CAST: variants seen among roughly 807,000 people sequenced by gnomAD.
CAST encodes calpastatin.
In CAST, 76 loss-of-function variants were observed where a neutral mutation model predicts 119.6. That is an observed-to-expected ratio of 0.64 (90% CI 0.53 to 0.77). The LOEUF (loss-of-function observed/expected upper bound fraction) is 0.77. Ranked by LOEUF, CAST falls within the 30% of genes least tolerant of loss-of-function variation. CAST has a pLI of 0.00. For synonymous variants in CAST, 319 were observed against 331.6 expected (o/e 0.96, Z 0.41); for missense variants, 953 against 946.5 (o/e 1.01, Z -0.09).
At chr5:96,225,464 A>C in the CAST span, among the ~76,000 whole-genome samples, 1 of 152,214 alleles carries the variant, frequency 6.6e-6, no homozygotes, top group Admixed American at 6.5e-5. Flanking sequence ...CACAAAGATC[A>C]TAGATAGAAA....
At chr5:96,476,397 T>G in the CAST span, among the ~76,000 whole-genome samples, 416 of 152,344 alleles carry the variant, frequency 2.7e-3, 3 homozygotes, top group African/African-American at 9.6e-3. Context: ...AAAAGTCTCA[T>G]GGTCATATGA....
the CAST span, among the ~76,000 whole-genome samples, chr5:96,234,065 CAAA>C: frequency 6.6e-6 from 1 of 152,084 alleles, no homozygotes; most frequent in Non-Finnish European, 1.5e-5. Flanking sequence ...CACACACAAA[CAAA>C]GAAGTGGGTA....
the CAST span, among the ~76,000 whole-genome samples, chr5:96,425,041 AAAGAAAGAAAG>A: frequency 7.0e-6 from 1 of 143,432 alleles, no homozygotes; most frequent in South Asian, 2.1e-4. Context: ...AGAAAGAAAG[AAAGAAAGAAAG>A]AAAGAAAGAA....
intron 1 of CAST, among the ~76,000 whole-genome samples, chr5:96,545,781 T>G (rs13177618): frequency 0.59 from 89,481 of 152,106 alleles, 27,008 homozygotes; most frequent in East Asian, 0.86. Context: ...CTGACTGACA[T>G]ACATGGAGTG....
chr5:96,441,238 T>A, the CAST span, among the ~76,000 whole-genome samples: 2 of 152,214 alleles, frequency 1.3e-5, no homozygotes, highest in Non-Finnish European at 2.9e-5. Context: ...AGAGATGATT[T>A]CAAAGTGTAA....
chr5:96,274,100 T>C, the CAST span, among the ~76,000 whole-genome samples: 1 of 131,108 alleles, frequency 7.6e-6, no homozygotes, highest in South Asian at 2.2e-4. Context: ...AGAGCCCCAA[T>C]TTTTTTTTTT....
At chr5:96,260,846 G>GGAAA in the CAST span, among the ~76,000 whole-genome samples, 4 of 152,156 alleles carry the variant, frequency 2.6e-5, no homozygotes, top group African/African-American at 4.8e-5. Flanking sequence ...AGGTTGTTTG[G>GGAAA]GAAATGAATT....
chr5:96,413,656 C>A, the CAST span, among the ~76,000 whole-genome samples: 2 of 151,276 alleles, frequency 1.3e-5, no homozygotes, highest in African/African-American at 4.9e-5. Flanking sequence ...AAAAATTAGT[C>A]AGGCATGCTG....
the CAST span, among the ~76,000 whole-genome samples, chr5:96,452,956 C>CAAAAAAAAAAAAAAAAAAAAAAAAAAAA: frequency 1.6e-5 from 1 of 62,718 alleles, no homozygotes; most frequent in African/African-American, 1.2e-4. Context: ...GACTCCGTCT[C>CAAAAAAAAAAAAAAAAAAAAAAAAAAAA]AAAAAAAAAA....
At chr5:96,681,222 G>A (rs999458543) in intron 2 of CAST, among the ~76,000 whole-genome samples, 1 of 152,090 alleles carries the variant, frequency 6.6e-6, no homozygotes, top group African/African-American at 2.4e-5. Flanking sequence ...ATGTTTTCTC[G>A]TTGGTGACTC....
chr5:96,195,030 G>A, the CAST span, among the ~76,000 whole-genome samples: 1 of 152,214 alleles, frequency 6.6e-6, no homozygotes, highest in Admixed American at 6.5e-5. Context: ...TGGGGGACCC[G>A]AAAGCTATAT....
chr5:96,760,603 G>A (rs1767595636), intron 24 of CAST, among the ~76,000 whole-genome samples: 1 of 151,778 alleles, frequency 6.6e-6, no homozygotes, highest in South Asian at 2.1e-4. Flanking sequence ...TTTGTGGATA[G>A]CACTACTTGT....
At chr5:96,658,945 G>A (rs556727388), upstream of CAST, among the ~76,000 whole-genome samples, 24 of 152,294 alleles carry the variant, frequency 1.6e-4, no homozygotes, top group East Asian at 3.3e-3. Flanking sequence ...AATGCGATGT[G>A]GTATCTACCT....
chr5:96,632,647 T>C lies in CAST; in HGVS notation c.61-42892T>C, dbSNP rs1236336760. Among the ~76,000 whole-genome samples the C allele has an allele frequency of 2.8e-5, 3 of 105,900 alleles. No homozygotes were observed. In the East Asian group the frequency reaches 7.4e-4, roughly 26 times the overall value. 69.5% of individuals were successfully genotyped at this position (105,900 alleles called of 152,430 possible). A position where few individuals can be genotyped will look rare whatever the true frequency, so the allele number is the denominator to read the frequency against. ...CAGAGTGCTAATTTATTTTTTTGCA[T>C]GTGGATATTCAGTGGTCTCAGCGCT... On this transcript the variant is annotated intron_variant, in intron 1 of 11. Transcript: ENST00000505143.
At chr5:96,551,320 C>A (rs181805490) in intron 1 of CAST, among the ~76,000 whole-genome samples, 58 of 152,268 alleles carry the variant, frequency 3.8e-4, no homozygotes, top group African/African-American at 1.4e-3. Context: ...CCAAACTAAG[C>A]TTCATAAGTG....
At chr5:96,000,929 A>G in the CAST span, among the ~76,000 whole-genome samples, 2 of 152,342 alleles carry the variant, frequency 1.3e-5, no homozygotes, top group East Asian at 1.9e-4. Context: ...ACTTCAGATT[A>G]TATTTTAAGA....
chr5:96,341,319 C>A, the CAST span, among the ~76,000 whole-genome samples: 1 of 150,606 alleles, frequency 6.6e-6, no homozygotes, highest in Non-Finnish European at 1.5e-5. Flanking sequence ...TTCCTGCCCA[C>A]TCCCATCCCC....
the CAST span, among the ~76,000 whole-genome samples, chr5:96,071,537 C>A: frequency 6.6e-6 from 1 of 152,062 alleles, no homozygotes; most frequent in African/African-American, 2.4e-5. Flanking sequence ...CTTCATGGAC[C>A]AGCCCTCACC....
the CAST span, among the ~76,000 whole-genome samples, chr5:96,317,095 T>G: frequency 6.6e-6 from 1 of 152,136 alleles, no homozygotes; most frequent in East Asian, 1.9e-4. Context: ...CTTGTCCAGC[T>G]TGAACATTAC....
Sources: gnomAD v4.1 joint callset for allele counts (sites outside exome capture counted in the v4.1 genomes callset) on GRCh38, gnomAD v4.1.1 for gene constraint, MANE v1.5 for transcripts, NCBI Gene and HGNC (gene_info 2026-07-23, HGNC 2026-07-21) for gene names.